The following DOP1A variants were observed in gnomAD, a reference collection of about 807,000 sequenced individuals.
DOP1A encodes DOP1 leucine zipper like protein A, also known as protein DOP1A.
DOP1A carries 90 observed loss-of-function variants against 267.6 expected under a neutral mutation model. The observed-to-expected ratio is 0.34, with a 90% CI of 0.28 to 0.40. The LOEUF (loss-of-function observed/expected upper bound fraction) is 0.40, where lower values mean the gene tolerates loss of function less well. Among genes scored for constraint, DOP1A ranks in the 10% least tolerant of loss-of-function variants. The pLI is 1.00. For synonymous variants in DOP1A, 932 were observed against 999.1 expected, an observed-to-expected ratio of 0.93 and a Z score of 1.27; for missense variants, 2,437 against 2,900.4, an observed-to-expected ratio of 0.84 and a Z score of 3.67.
In DOP1A at chr6:83,153,933, G is replaced by A; in HGVS notation, c.6279G>A (p.Leu2093=). The change falls in exon 32 of 39, where the codon CTG becomes CTA. Residue 2093 remains leucine (L), a synonymous_variant. Coordinates refer to ENST00000349129, the MANE Select transcript of DOP1A (RefSeq NM_015018.4). The stretch of plus-strand genomic sequence containing the variant: ...CTAGTTATCGAGCTTGTGTCCAGCT[G>A]CTCAGCAGTCTTAGTGGGTATCAGT... ...NAPSYRACVQ[L]LSSLSGYQYT... The A allele has an allele frequency of 6.2e-7, 1 of 1,613,796 alleles. No individual in the cohort carries two copies. Among genetic ancestry groups the A allele is most frequent in the Non-Finnish European group, 8.5e-7 (1 of 1,179,944 alleles).
rs567559816 is a variant in DOP1A, at chr6:83,138,454, A to G, written c.4412A>G (p.His1471Arg). 1 of 1,612,568 alleles carries G rather than the reference A, an allele frequency of 6.2e-7. No homozygotes were observed. Among genetic ancestry groups the G allele is most frequent in the Non-Finnish European group, 8.5e-7 (1 of 1,179,876 alleles). ...LYYMRSHYPTHVKVTAQDLIG... is the reference protein window; with the variant it reads ...LYYMRSHYPTRVKVTAQDLIG... ...TACATGCGTAGCCATTACCCAACTC[A>G]TGTCAAGGTTACTGCACAAGATTTA... Residue 1471 changes from histidine to arginine, a missense_variant, in exon 21 of 39, where the codon CAT becomes CGT. Physicochemically the swap from His to Arg is conservative, Grantham distance 29. Coordinates refer to ENST00000349129, the MANE Select transcript of DOP1A (RefSeq NM_015018.4).
chr6:83,089,610 A>G (rs1458684045), intron 1 of DOP1A, among the ~76,000 whole-genome samples: 1 of 152,234 alleles, frequency 6.6e-6, no homozygotes, highest in African/African-American at 2.4e-5. Context: ...TAGAAGAAAG[A>G]TTACAAATGC....
intron 23 of DOP1A, among the ~76,000 whole-genome samples, chr6:83,140,929 A>G (rs920378743): frequency 2.6e-5 from 4 of 152,080 alleles, no homozygotes; most frequent in South Asian, 2.1e-4. Flanking sequence ...CTAGAAAACA[A>G]TTTAGCAATA....
intron 16 of DOP1A, 37 bp downstream of exon 16, chr6:83,129,545 G>A: frequency 4.9e-6 from 7 of 1,437,696 alleles, no homozygotes; most frequent in Non-Finnish European, 6.4e-6. Flanking sequence ...TTTCAGTATT[G>A]TCTGTAGTAT....
At chr6:83,111,030 A>G (rs941876175) in intron 6 of DOP1A, among the ~76,000 whole-genome samples, 1 of 152,034 alleles carries the variant, frequency 6.6e-6, no homozygotes, top group Non-Finnish European at 1.5e-5. Context: ...CCCTTCCTCT[A>G]CACTCCCAGG....
intron 18 of DOP1A, among the ~76,000 whole-genome samples, chr6:83,132,689 A>AAG (rs1247795808): frequency 2.6e-5 from 4 of 152,156 alleles, no homozygotes; most frequent in Non-Finnish European, 5.9e-5. Context: ...TTTATTAACT[A>AAG]ATATATATGA....
At chr6:83,169,405 T>C (rs1786588523), downstream of DOP1A, 3 of 1,520,280 alleles carry the variant, frequency 2.0e-6, no homozygotes, top group Admixed American at 1.9e-5. Context: ...CTTGGAACTC[T>C]GGGGAAGAGA....
At chr6:83,125,038 C>CT (rs1776934450) in intron 13 of DOP1A, 128 bp from the exon 14 acceptor site, 2 of 926,194 alleles carry the variant, frequency 2.2e-6, no homozygotes, top group Non-Finnish European at 3.3e-6. Context: ...GTTATAAAAT[C>CT]TTAACTGTTT....
chr6:83,076,155 T>A (rs1402442835), intron 1 of DOP1A, among the ~76,000 whole-genome samples: 3 of 152,114 alleles, frequency 2.0e-5, no homozygotes, highest in Admixed American at 2.0e-4. Flanking sequence ...ACAAAGTAAC[T>A]GAATTTTAAA....
rs745327043 is a variant in DOP1A at position 83,110,138 on chromosome 6, T to C, written c.505T>C (p.Leu169=). The change falls in exon 6 of 39, where the codon TTG becomes CTG. Residue 169 remains leucine, a synonymous_variant. Transcript: ENST00000349129. ...SEYYERTNML[L]EKVAAAVDQS... is the part of the protein sequence containing the mutation. Reference sequence around the variant, plus strand: ...TTTATACCTCAGAACAAATATGTTGTTGGAAAAGGTTGCTGCTGCTGTGGA... The same window carrying C: ...TTTATACCTCAGAACAAATATGTTGCTGGAAAAGGTTGCTGCTGCTGTGGA... 1.9e-6 allele frequency: 3 copies of C among 1,599,020 alleles called. No homozygotes were observed. Among genetic ancestry groups the C allele is most frequent in the Admixed American group, 3.5e-5 (2 of 56,858 alleles).
intron 24 of DOP1A, among the ~76,000 whole-genome samples, 183 bp from the exon 25 acceptor site, chr6:83,145,341 G>A (rs528787212): frequency 6.2e-4 from 84 of 134,938 alleles, no homozygotes; most frequent in Middle Eastern, 3.6e-3. Context: ...TAGCACTTTG[G>A]GGGGCTAAGG....
intron 1 of DOP1A, among the ~76,000 whole-genome samples, chr6:83,083,852 G>T (rs959639191): frequency 6.6e-6 from 1 of 152,084 alleles, no homozygotes; most frequent in Non-Finnish European, 1.5e-5. Context: ...AGTTATAAAT[G>T]GTGCTTATGT....
chr6:83,117,395 C>T (rs1266523131), intron 7 of DOP1A, among the ~76,000 whole-genome samples: 1 of 152,024 alleles, frequency 6.6e-6, no homozygotes, highest in Non-Finnish European at 1.5e-5. Context: ...TGTGATCCGC[C>T]TGCCTTGGCC....
At chr6:83,154,992 C>A (rs990036480) in intron 33 of DOP1A, among the ~76,000 whole-genome samples, 1 of 151,984 alleles carries the variant, frequency 6.6e-6, no homozygotes, top group African/African-American at 2.4e-5. Context: ...TATTAAAAGA[C>A]AACAGTGGGC....
At chr6:83,127,689 C>T (rs1777415167) in intron 15 of DOP1A, among the ~76,000 whole-genome samples, 2 of 151,798 alleles carry the variant, frequency 1.3e-5, no homozygotes, top group South Asian at 2.1e-4. Flanking sequence ...CAACAAGATA[C>T]GAGGAGTAAA....
downstream of DOP1A, chr6:83,169,339 A>G (rs1383955217): frequency 1.2e-6 from 2 of 1,613,434 alleles, no homozygotes; most frequent in African/African-American, 1.3e-5. Flanking sequence ...AATTACATTA[A>G]AAGAGATTAG....
At chr6:83,144,907 G>A (rs948089030) in intron 24 of DOP1A, among the ~76,000 whole-genome samples, 1 of 149,790 alleles carries the variant, frequency 6.7e-6, no homozygotes, top group Non-Finnish European at 1.5e-5. Context: ...AATAAATTTT[G>A]AGCCTGGGCA....
At chr6:83,107,042 T>C (rs1204710802) in intron 4 of DOP1A, among the ~76,000 whole-genome samples, 1 of 152,098 alleles carries the variant, frequency 6.6e-6, no homozygotes, top group Non-Finnish European at 1.5e-5. Context: ...TGATTAATGA[T>C]GGAAGATAAA....
At chr6:83,088,042 T>C (rs896042249) in intron 1 of DOP1A, among the ~76,000 whole-genome samples, 5 of 152,038 alleles carry the variant, frequency 3.3e-5, no homozygotes, top group African/African-American at 1.2e-4. Context: ...CGGCTAACCT[T>C]TTGTATTTTT....
Sources: allele counts gnomAD v4.1 joint callset (sites outside exome capture counted in the v4.1 genomes callset), GRCh38; gene constraint gnomAD v4.1.1; transcripts MANE v1.5; gene names NCBI Gene and HGNC (gene_info 2026-07-23, HGNC 2026-07-21).